Variants in NEK6 observed in about 807,000 individuals in gnomAD.
NEK6 encodes NIMA related kinase 6, also known as serine/threonine-protein kinase Nek6.
Under a neutral mutation model 43.5 loss-of-function variants are expected in NEK6, and 27 were observed. The ratio of observed to expected loss-of-function variants is 0.62; its 90% CI spans 0.46 to 0.86. The LOEUF is 0.86. Among genes scored for constraint, NEK6 ranks in the 40% least tolerant of loss-of-function variants. The pLI is 0.00. For synonymous variants in NEK6, 167 were observed against 164.1 expected (o/e 1.02, Z -0.14); for missense variants, 318 against 414.4 (o/e 0.77, Z 2.02).
chr9:124,329,080 G>A (rs886643978), intron 7 of NEK6, among the ~76,000 whole-genome samples: 2 of 152,222 alleles, frequency 1.3e-5, no homozygotes, highest in African/African-American at 2.4e-5. Context: ...AACGAGGGCC[G>A]GGGGCCTCGG....
chr9:124,287,464 C>G (rs1484051346), intron 1 of NEK6, among the ~76,000 whole-genome samples: 1 of 152,238 alleles, frequency 6.6e-6, no homozygotes, highest in East Asian at 1.9e-4. Context: ...TCCCACTCTT[C>G]CCACCTTTCA....
intron 4 of NEK6, among the ~76,000 whole-genome samples, chr9:124,319,429 A>T (rs7022769): frequency 0.07 from 10,593 of 151,770 alleles, 689 homozygotes; most frequent in African/African-American, 0.18. Flanking sequence ...TGATCATTTC[A>T]TTTGCCATGC....
chr9:124,349,316 T>A (rs1425388368), intron 9 of NEK6, among the ~76,000 whole-genome samples: 1 of 152,222 alleles, frequency 6.6e-6, no homozygotes, highest in African/African-American at 2.4e-5. Flanking sequence ...TTCGGACTTG[T>A]GTATGATTCA....
chr9:124,288,790 A>G (rs1832271475), intron 1 of NEK6, among the ~76,000 whole-genome samples: 1 of 151,994 alleles, frequency 6.6e-6, no homozygotes, highest in Non-Finnish European at 1.5e-5. Flanking sequence ...TGGAGGCAGC[A>G]CCGAATTTGT....
In NEK6 at chr9:124,352,383, C is replaced by T. The variant is rs1367069369; in HGVS notation, c.*1436C>T. The T allele has an allele frequency of 6.6e-6, 1 of 152,238 alleles. No individual in the cohort carries two copies. Among genetic ancestry groups the T allele is most frequent in the Non-Finnish European group, 1.5e-5 (1 of 68,048 alleles). The allele number at this position is 152,238 out of a possible 1,614,324, so 9.4% of individuals were successfully genotyped here. ...TGCAGCCTTTCCTCTGTACTTTTCT[C>T]CATGGTTGAAATAAAACAGGGTGAC... On this transcript the variant is annotated 3_prime_UTR_variant, in exon 10 of 10. Coordinates refer to ENST00000320246, the MANE Select transcript of NEK6 (RefSeq NM_014397.6).
chr9:124,346,866 G>A (rs1313006812), intron 8 of NEK6, among the ~76,000 whole-genome samples: 3 of 152,224 alleles, frequency 2.0e-5, no homozygotes, highest in Non-Finnish European at 2.9e-5. Context: ...GGGCAGAACC[G>A]GTGCCGCAGG....
chr9:124,327,238 G>A, intron 6 of NEK6, 100 bp from the exon 7 acceptor site: 2 of 936,988 alleles, frequency 2.1e-6, no homozygotes, highest in Non-Finnish European at 1.7e-6. Context: ...GAGGGAGCAG[G>A]ACCTGGGCTA....
At chr9:124,311,344 C>G (rs1423757462) in intron 2 of NEK6, among the ~76,000 whole-genome samples, 1 of 152,230 alleles carries the variant, frequency 6.6e-6, no homozygotes, top group Non-Finnish European at 1.5e-5. Flanking sequence ...GTGGGCATGG[C>G]TGGCCCCTCT....
chr9:124,272,205 C>T (rs888136683), intron 1 of NEK6, among the ~76,000 whole-genome samples: 4 of 152,216 alleles, frequency 2.6e-5, no homozygotes, highest in Admixed American at 6.5e-5. Flanking sequence ...CTCTGGGGAG[C>T]GCTTCCCCAG....
intron 1 of NEK6, among the ~76,000 whole-genome samples, chr9:124,278,688 G>A (rs1831753665): frequency 6.6e-6 from 1 of 152,232 alleles, no homozygotes; most frequent in Non-Finnish European, 1.5e-5. Flanking sequence ...GGAGACGCAT[G>A]CGTCAGATAC....
At chr9:124,315,845 C>T (rs995818515) in intron 4 of NEK6, among the ~76,000 whole-genome samples, 5 of 152,258 alleles carry the variant, frequency 3.3e-5, no homozygotes, top group African/African-American at 2.4e-5. Context: ...ACACACCCCT[C>T]GCTCACTAGC....
rs1332109613 is a variant in NEK6 at position 124,313,935 on chromosome 9, A to G, written c.244A>G (p.Met82Val). Reference protein sequence around the residue: ...ALKKVQIFEMMDAKARQDCVK... With the variant: ...ALKKVQIFEMVDAKARQDCVK... ...CCTCCCGCCCAAGATCTTTGAGATG[A>G]TGGACGCCAAGGCGAGGCAGGACTG... Residue 82 changes from methionine to valine, a missense_variant, in exon 4 of 10, where the codon ATG becomes GTG. Met to Val is a conservative substitution (Grantham distance 21). Transcript: ENST00000320246. The G allele has an allele frequency of 4.3e-6, 7 of 1,613,990 alleles. No homozygotes were observed. Among genetic ancestry groups the G allele is most frequent in the East Asian group, 2.2e-5 (1 of 44,886 alleles).
chr9:124,315,512 G>A (rs1019606304), intron 4 of NEK6, among the ~76,000 whole-genome samples: 5 of 152,200 alleles, frequency 3.3e-5, no homozygotes, highest in African/African-American at 1.2e-4. Context: ...ACTATTATAG[G>A]TCAAAAAATA....
At chr9:124,272,658 T>C (rs1000236085) in intron 1 of NEK6, among the ~76,000 whole-genome samples, 1 of 152,250 alleles carries the variant, frequency 6.6e-6, no homozygotes, top group African/African-American at 2.4e-5. Context: ...CCCCAGGCTC[T>C]CCTGAGACTC....
At chr9:124,347,588 A>G in intron 8 of NEK6, 121 bp from the exon 9 acceptor site, 1 of 576,046 alleles carries the variant, frequency 1.7e-6, no homozygotes, top group Non-Finnish European at 3.1e-6. Flanking sequence ...GTCCTGCTGG[A>G]CTCGCCGCGG....
intron 1 of NEK6, among the ~76,000 whole-genome samples, chr9:124,281,700 T>C (rs1273651639): frequency 6.6e-6 from 1 of 152,192 alleles, no homozygotes; most frequent in East Asian, 1.9e-4. Flanking sequence ...GGTTTTACCA[T>C]GCTAGCCAGG....
At chr9:124,319,425 T>C (rs1386968941) in intron 4 of NEK6, among the ~76,000 whole-genome samples, 2 of 152,260 alleles carry the variant, frequency 1.3e-5, no homozygotes, top group African/African-American at 4.8e-5. Context: ...CTGTTGATCA[T>C]TTCATTTGCC....
chr9:124,281,539 C>T lies in NEK6; in HGVS notation c.-29-20397C>T, dbSNP rs188462884. Among the ~76,000 whole-genome samples, 257 of 120,886 alleles carry T rather than the reference C, an allele frequency of 2.1e-3. 1 individual carries two copies. Among genetic ancestry groups the T allele is most frequent in the Non-Finnish European group, 3.8e-4 (24 of 62,868 alleles). The allele number at this position is 120,886 out of a possible 152,430, so 79.3% of individuals were successfully genotyped here. A position where few individuals can be genotyped will look rare whatever the true frequency, so the allele number is the denominator to read the frequency against. ...TTTTGGAGGCAGAATCTCACTCTGT[C>T]GCCCAGACTGGAGTGCAGTGGTGCG... On this transcript the variant is annotated intron_variant, in intron 1 of 9. Coordinates refer to ENST00000320246, the MANE Select transcript of NEK6 (RefSeq NM_014397.6).
At chr9:124,303,760 A>G (rs1017439471) in intron 2 of NEK6, among the ~76,000 whole-genome samples, 3 of 152,220 alleles carry the variant, frequency 2.0e-5, no homozygotes, top group African/African-American at 7.2e-5. Context: ...CTACCAGGAC[A>G]TGGTGCTGAT....
Sources: gnomAD v4.1 joint callset for allele counts (sites outside exome capture counted in the v4.1 genomes callset) on GRCh38, gnomAD v4.1.1 for gene constraint, MANE v1.5 for transcripts, NCBI Gene and HGNC (gene_info 2026-07-23, HGNC 2026-07-21) for gene names.